Variants in ALMS1 observed in about 807,000 individuals in gnomAD.
The protein encoded by ALMS1 is centrosome-associated protein ALMS1.
ALMS1 carries 271 observed loss-of-function variants against 352.2 expected under a neutral mutation model. That is an observed-to-expected ratio of 0.77 (90% CI 0.70 to 0.85). ALMS1 has a LOEUF of 0.85. Among genes scored for constraint, ALMS1 ranks in the 40% least tolerant of loss-of-function variants. The pLI is 0.00. For synonymous variants in ALMS1, 1,865 were observed against 1,761.2 expected (o/e 1.06, Z -1.48); for missense variants, 5,445 against 4,870.7 (o/e 1.12, Z -3.51).
chr2:73,495,220 ATTG>A lies in ALMS1; in HGVS notation c.9539+3740_9539+3742del, dbSNP rs564873430. Among the ~76,000 whole-genome samples the A allele has an allele frequency of 5.9e-4, 89 of 151,582 alleles. 2 individuals carry two copies. In the South Asian group the frequency reaches 0.016, roughly 27 times the overall value. The stretch of plus-strand genomic sequence containing the variant: ...TGTTTCATTAAAAATCCCTCTTTTT[ATTG>A]TTGTTGTTGTTGTTGTTTTCTTTCT... On this transcript the variant is annotated intron_variant, in intron 10 of 22. Transcript: ENST00000613296.
intron 3 of ALMS1, among the ~76,000 whole-genome samples, chr2:73,420,155 A>G (rs1299168010): frequency 6.6e-6 from 1 of 152,232 alleles, no homozygotes; most frequent in Non-Finnish European, 1.5e-5. Context: ...GTTATGCTAA[A>G]AAGGAAGCAA....
At position 73,453,460 on chromosome 2, in the gene ALMS1, A is replaced by G. The variant is rs760397485; in HGVS notation, c.6933A>G (p.Val2311=). The G allele has an allele frequency of 4.8e-5, 78 of 1,613,344 alleles. No homozygotes were observed. Among genetic ancestry groups the G allele is most frequent in the Non-Finnish European group, 6.6e-5 (78 of 1,179,728 alleles). ...TCAAAGAACCCTCTTCCACGGGTGTATCTAATGGTGATTTGCTTCACAGAC... is the reference window on the plus strand; with the variant it reads ...TCAAAGAACCCTCTTCCACGGGTGTGTCTAATGGTGATTTGCTTCACAGAC... The part of the protein sequence containing the change: ...VCFKEPSSTG[V]SNGDLLHRQP... Residue 2311 remains valine, a synonymous_variant, in exon 8 of 23, where the codon GTA becomes GTG. Coordinates refer to ENST00000613296, the MANE Select transcript of ALMS1 (RefSeq NM_001378454.1).
chr2:73,437,950 TA>T (rs201849432), intron 7 of ALMS1, among the ~76,000 whole-genome samples: 3 of 151,962 alleles, frequency 2.0e-5, no homozygotes, highest in African/African-American at 7.3e-5. Flanking sequence ...CCTACAGAAA[TA>T]AAAAAAATCA....
intron 11 of ALMS1, among the ~76,000 whole-genome samples, chr2:73,527,408 T>C (rs1176708513): frequency 1.3e-5 from 2 of 152,232 alleles, no homozygotes; most frequent in African/African-American, 2.4e-5. Flanking sequence ...CCTCAGCTTT[T>C]CTTTGCTGGG....
At chr2:73,563,771 A>G (rs1236763454) in intron 15 of ALMS1, among the ~76,000 whole-genome samples, 2 of 151,384 alleles carry the variant, frequency 1.3e-5, no homozygotes, top group Non-Finnish European at 2.9e-5. Context: ...ATGGAATTAT[A>G]TGAAAACAAC....
At chr2:73,590,572 G>A (rs1269259280) in intron 16 of ALMS1, among the ~76,000 whole-genome samples, 3 of 148,510 alleles carry the variant, frequency 2.0e-5, no homozygotes, top group African/African-American at 5.0e-5. Context: ...AATTACCTTT[G>A]TGTATCCTTT....
intron 21 of ALMS1, among the ~76,000 whole-genome samples, chr2:73,604,310 A>C (rs1184079443): frequency 6.6e-6 from 1 of 152,162 alleles, no homozygotes; most frequent in South Asian, 2.1e-4. Flanking sequence ...AGGTGAGAGA[A>C]TCTCTTAAGC....
At chr2:73,531,835 G>C (rs1048301428) in intron 11 of ALMS1, among the ~76,000 whole-genome samples, 2 of 152,350 alleles carry the variant, frequency 1.3e-5, no homozygotes, top group African/African-American at 4.8e-5. Flanking sequence ...AGGAGAAAGA[G>C]AGCTCAGGGG....
chr2:73,446,632 A>G (rs567990340), intron 7 of ALMS1, among the ~76,000 whole-genome samples: 1 of 152,192 alleles, frequency 6.6e-6, no homozygotes, highest in Non-Finnish European at 1.5e-5. Context: ...GTCAGTGGCC[A>G]TAGAAAGCCA....
At chr2:73,579,123 A>G (rs1272428064) in intron 16 of ALMS1, among the ~76,000 whole-genome samples, 1 of 135,800 alleles carries the variant, frequency 7.4e-6, no homozygotes. Context: ...GCAATGGCAC[A>G]ATCTAAGCTC....
chr2:73,450,625 A>G lies in ALMS1; in HGVS notation c.4098A>G (p.Pro1366=), dbSNP rs772462489. Residue 1366 remains proline (P), a synonymous_variant, in exon 8 of 23, where the codon CCA becomes CCG. Coordinates refer to ENST00000613296, the MANE Select transcript of ALMS1 (RefSeq NM_001378454.1). The part of the protein sequence containing the change: ...EALKISVASE[P]VDQTTGTPTV... ...TGAAAATTTCAGTTGCCTCTGAACC[A>G]GTTGACCAGACAACTGGCACACCAA... 6.2e-6 allele frequency: 10 copies of G among 1,612,930 alleles called. No individual in the cohort carries two copies. Among genetic ancestry groups the G allele is most frequent in the Non-Finnish European group, 2.5e-6 (3 of 1,179,804 alleles).
At position 73,449,716 on chromosome 2, in the gene ALMS1, G is replaced by A; in HGVS notation, c.3189G>A (p.Val1063=). ...REKPSVLYPQ[V]LSDSHLPEES... is the part of the protein sequence containing the mutation. Reference sequence around the variant, plus strand: ...AGCCTAGTGTTTTGTACCCACAGGTGTTATCAGACAGTCATCTACCTGAAG... The same window carrying A: ...AGCCTAGTGTTTTGTACCCACAGGTATTATCAGACAGTCATCTACCTGAAG... Residue 1063 remains valine, a synonymous_variant, in exon 8 of 23, where the codon GTG becomes GTA. Coordinates refer to ENST00000613296, the MANE Select transcript of ALMS1 (RefSeq NM_001378454.1). 3 of 1,613,978 alleles carry A rather than the reference G, an allele frequency of 1.9e-6. No individual in the cohort carries two copies. The highest frequency in any genetic ancestry group is 2.5e-6 in the Non-Finnish European group (3 of 1,179,940).
intron 13 of ALMS1, among the ~76,000 whole-genome samples, chr2:73,555,860 CATA>C (rs1674530191): frequency 6.6e-6 from 1 of 152,090 alleles, no homozygotes; most frequent in Non-Finnish European, 1.5e-5. Flanking sequence ...CTCTCAAAAT[CATA>C]ATATTGAGTG....
chr2:73,536,003 T>C (rs867580958), intron 12 of ALMS1, among the ~76,000 whole-genome samples: 48 of 152,148 alleles, frequency 3.2e-4, no homozygotes, highest in African/African-American at 1.1e-3. Context: ...CAACCTCGCC[T>C]GATTTCCCAC....
intron 10 of ALMS1, among the ~76,000 whole-genome samples, chr2:73,495,193 A>C (rs1473981949): frequency 1.3e-5 from 2 of 152,076 alleles, no homozygotes; most frequent in African/African-American, 4.8e-5. Flanking sequence ...GCTGGAATCA[A>C]CTGTTTCATT....
chr2:73,475,538 A>C (rs1467779304), intron 9 of ALMS1, among the ~76,000 whole-genome samples: 1 of 152,090 alleles, frequency 6.6e-6, no homozygotes, highest in Non-Finnish European at 1.5e-5. Context: ...TACCTATTCA[A>C]ATTCTTTACC....
chr2:73,450,767 C>T lies in ALMS1; in HGVS notation c.4240C>T (p.Pro1414Ser), dbSNP rs753199831. The change falls in exon 8 of 23, where the codon CCA becomes TCA. Residue 1414 changes from proline (P) to serine (S), a missense_variant. Transcript: ENST00000613296. ...TAAGAACGTTTCAGCGGTTCCTGGA[C>T]CAGGTGACCGGAAGACTGGGATACC... is the stretch of plus-strand genomic sequence containing the variant. ...EAKNVSAVPG[P>S]GDRKTGIPTL... The T allele has an allele frequency of 6.2e-7, 1 of 1,613,220 alleles. No homozygotes were observed. The highest frequency in any genetic ancestry group is 8.5e-7 in the Non-Finnish European group (1 of 1,179,636).
In ALMS1 at chr2:73,450,954, G is replaced by C. The variant is rs1230429863; in HGVS notation, c.4427G>C (p.Ser1476Thr). 1.9e-6 allele frequency: 3 copies of C among 1,613,164 alleles called. No homozygotes were observed. The African/African-American group carries it at 4.0e-5, about 22-fold the overall frequency. Reference sequence around the variant, plus strand: ...ACACCAACTGTAACCTCCCCTTCCAGCTCATTTGGAGAGAAGCCCATTGTT... The same window carrying C: ...ACACCAACTGTAACCTCCCCTTCCACCTCATTTGGAGAGAAGCCCATTGTT... ...IGTPTVTSPS[S>T]SFGEKPIVIY... Residue 1476 changes from serine to threonine, a missense_variant, in exon 8 of 23, where the codon AGC (serine) becomes ACC (threonine). Ser to Thr is a moderately conservative substitution (Grantham distance 58). Transcript: ENST00000613296.
At chr2:73,504,072 T>C (rs1239010641) in intron 10 of ALMS1, among the ~76,000 whole-genome samples, 14 of 152,182 alleles carry the variant, frequency 9.2e-5, no homozygotes, top group Non-Finnish European at 1.9e-4. Flanking sequence ...TGAAAATACA[T>C]ATAGACTCAC....
Sources: allele counts gnomAD v4.1 joint callset (sites outside exome capture counted in the v4.1 genomes callset), GRCh38; gene constraint gnomAD v4.1.1; transcripts MANE v1.5; gene names NCBI Gene and HGNC (gene_info 2026-07-23, HGNC 2026-07-21).